Variants in ULK4 observed in about 807,000 individuals in gnomAD.
ULK4 encodes the protein inactive serine/threonine-protein kinase ULK4.
A neutral mutation model predicts 160.6 loss-of-function variants in ULK4; 133 were observed. The ratio of observed to expected loss-of-function variants is 0.83; its 90% CI spans 0.72 to 0.96. ULK4 has a LOEUF of 0.96. Among genes scored for constraint, ULK4 ranks in the 40% least tolerant of loss-of-function variants. The probability of loss-of-function intolerance (pLI) is 0.00; values close to 1 mark genes in which losing one functional copy is unlikely to be tolerated. For missense variants in ULK4, 1,580 were observed against 1,499.5 expected (o/e 1.05, Z -0.89); for synonymous variants, 534 against 539.8 (o/e 0.99, Z 0.15).
chr3:41,942,084 G>T (rs1219533709), intron 2 of ULK4, among the ~76,000 whole-genome samples: 1 of 152,108 alleles, frequency 6.6e-6, no homozygotes, highest in Admixed American at 6.5e-5. Flanking sequence ...ACAGACCTGC[G>T]GTGTTCAATG....
At chr3:41,946,904 A>T (rs1700128752) in intron 2 of ULK4, among the ~76,000 whole-genome samples, 1 of 152,046 alleles carries the variant, frequency 6.6e-6, no homozygotes, top group Non-Finnish European at 1.5e-5. Context: ...TCTTTGAAAA[A>T]TCTCTATTAG....
chr3:41,448,562 A>G (rs943888375), intron 34 of ULK4, among the ~76,000 whole-genome samples: 12 of 152,204 alleles, frequency 7.9e-5, no homozygotes, highest in African/African-American at 2.7e-4. Context: ...TTTGGAAAGA[A>G]CACTCTGACT....
rs182002938 is a variant in ULK4, at chr3:41,939,348, T to C, written c.139-1151A>G. Among the ~76,000 whole-genome samples the C allele has an allele frequency of 6.8e-3, 1,028 of 151,978 alleles. 10 individuals are homozygous for C. The highest frequency in any genetic ancestry group is 0.024 in the African/African-American group (987 of 41,468). ...CTAATTTTTGTATTTTTAGTAGAGA[T>C]GGGGTTTCATCATGTTGGCCAGGCT... On this transcript the variant is annotated intron_variant, in intron 2 of 36. Coordinates refer to ENST00000301831, the MANE Select transcript of ULK4 (RefSeq NM_017886.4).
chr3:41,493,371 T>G (rs2084864454), intron 32 of ULK4, among the ~76,000 whole-genome samples: 1 of 143,840 alleles, frequency 7.0e-6, no homozygotes, highest in East Asian at 2.0e-4. Flanking sequence ...AGATGTTCTT[T>G]GAAACCAACG....
At chr3:41,489,371 C>G (rs534574624) in intron 32 of ULK4, among the ~76,000 whole-genome samples, 5 of 152,284 alleles carry the variant, frequency 3.3e-5, no homozygotes, top group African/African-American at 1.2e-4. Flanking sequence ...AATCCTTTAT[C>G]AGGTACAGTG....
At chr3:41,463,646 T>C (rs1248923770) in intron 32 of ULK4, among the ~76,000 whole-genome samples, 5 of 152,222 alleles carry the variant, frequency 3.3e-5, no homozygotes, top group Non-Finnish European at 7.4e-5. Flanking sequence ...GTGAACCCAG[T>C]GGTCTGCTCT....
At chr3:41,513,940 C>A (rs1039067) in intron 32 of ULK4, among the ~76,000 whole-genome samples, 3 of 152,084 alleles carry the variant, frequency 2.0e-5, no homozygotes, top group African/African-American at 4.8e-5. Flanking sequence ...CAAGCACCAC[C>A]TGTTCCCTAA....
intron 35 of ULK4, among the ~76,000 whole-genome samples, chr3:41,307,975 A>C (rs1285704894): frequency 6.6e-6 from 1 of 152,164 alleles, no homozygotes; most frequent in African/African-American, 2.4e-5. Flanking sequence ...CAAAAGCTTG[A>C]GTTTCCGCAG....
In ULK4 at chr3:41,566,501, T is replaced by A. The variant is rs537161731; in HGVS notation, c.3121-371A>T. 5.9e-4 allele frequency among the ~76,000 whole-genome samples: 90 copies of A among 152,334 alleles called. 1 individual carries two copies. Among genetic ancestry groups the A allele is most frequent in the Non-Finnish European group, 8.5e-4 (58 of 68,028 alleles). ...AAAAGAAAACTACTTCAAGCAAATA[T>A]TTATGCAGTTTCAATATTATGCTGG... On this transcript the variant is annotated intron_variant, in intron 31 of 36. Transcript: ENST00000301831.
intron 34 of ULK4, among the ~76,000 whole-genome samples, chr3:41,406,360 G>A (rs937137509): frequency 3.3e-5 from 5 of 152,198 alleles, no homozygotes; most frequent in South Asian, 2.1e-4. Flanking sequence ...ATGCTGTTTT[G>A]GTTACTGTAA....
chr3:41,874,012 T>C (rs1313030134), intron 17 of ULK4, among the ~76,000 whole-genome samples: 4 of 151,920 alleles, frequency 2.6e-5, no homozygotes, highest in African/African-American at 7.3e-5. Context: ...AAATGCTACA[T>C]GGAAAAACTA....
rs545977440 is a variant in ULK4 at position 41,337,959 on chromosome 3, T to C, written c.3678+60120A>G. On this transcript the variant is annotated intron_variant, in intron 35 of 36. Transcript: ENST00000301831. ...CTCTGAAAACCAGAGGGAAAGATGA[T>C]GAGAGCTAATCAAGTTCCCATGGCC... 7.2e-5 allele frequency among the ~76,000 whole-genome samples: 11 copies of C among 152,330 alleles called. No individual in the cohort carries two copies. The South Asian group carries it at 2.3e-3, about 32-fold the overall frequency.
At chr3:41,511,305 T>A (rs1007757707) in intron 32 of ULK4, among the ~76,000 whole-genome samples, 11 of 147,876 alleles carry the variant, frequency 7.4e-5, no homozygotes, top group African/African-American at 2.5e-4. Flanking sequence ...CAAAACTAAA[T>A]GAAATCAAAA....
intron 2 of ULK4, among the ~76,000 whole-genome samples, chr3:41,940,309 G>A (rs1699910503): frequency 2.0e-5 from 3 of 152,166 alleles, no homozygotes; most frequent in East Asian, 3.9e-4. Context: ...AGGGAGATTG[G>A]ATTTGAGACT....
rs61523986 is a variant in ULK4 at position 41,578,437 on chromosome 3, T to G, written c.3121-12307A>C. ...TATTTGTTTAGTCACTTTGGAACACTCAATAAGCTCATTTTTGGCCACATA... is the reference window on the plus strand; with the variant it reads ...TATTTGTTTAGTCACTTTGGAACACGCAATAAGCTCATTTTTGGCCACATA... On this transcript the variant is annotated intron_variant, in intron 31 of 36. Transcript: ENST00000301831. 3.3e-3 allele frequency among the ~76,000 whole-genome samples: 504 copies of G among 152,288 alleles called. 3 individuals are homozygous for G. The highest frequency in any genetic ancestry group is 0.012 in the African/African-American group (481 of 41,574).
At chr3:41,693,640 C>A (rs946014358) in intron 27 of ULK4, among the ~76,000 whole-genome samples, 2 of 151,958 alleles carry the variant, frequency 1.3e-5, no homozygotes, top group Non-Finnish European at 2.9e-5. Flanking sequence ...ATTAAAAGGA[C>A]AAACCAGAAA....
intron 35 of ULK4, among the ~76,000 whole-genome samples, chr3:41,259,605 A>G (rs995859212): frequency 2.0e-5 from 3 of 152,224 alleles, no homozygotes; most frequent in Non-Finnish European, 4.4e-5. Flanking sequence ...CACATCAGGA[A>G]TTTATGCTCA....
chr3:41,502,219 T>C (rs1039478596), intron 32 of ULK4, among the ~76,000 whole-genome samples: 1 of 152,262 alleles, frequency 6.6e-6, no homozygotes, highest in African/African-American at 2.4e-5. Flanking sequence ...TTCCCAGAAG[T>C]AGAATTGCTG....
At chr3:41,851,776 T>C (rs1236102859) in intron 17 of ULK4, among the ~76,000 whole-genome samples, 2 of 151,902 alleles carry the variant, frequency 1.3e-5, no homozygotes, top group African/African-American at 4.8e-5. Flanking sequence ...TAGCACTAAA[T>C]GCCCACAAGA....
Sources: allele counts gnomAD v4.1 joint callset (sites outside exome capture counted in the v4.1 genomes callset), GRCh38; gene constraint gnomAD v4.1.1; transcripts MANE v1.5; gene names NCBI Gene and HGNC (gene_info 2026-07-23, HGNC 2026-07-21).